The following PPP2R2C variants were observed in gnomAD, a reference collection of about 807,000 sequenced individuals.
PPP2R2C encodes protein phosphatase 2 regulatory subunit Bgamma.
A neutral mutation model predicts 45.3 loss-of-function variants in PPP2R2C; 10 were observed. That is an observed-to-expected ratio of 0.22 (90% CI 0.14 to 0.37). The LOEUF (loss-of-function observed/expected upper bound fraction) is 0.37. Among genes scored for constraint, PPP2R2C ranks in the 10% least tolerant of loss-of-function variants. The pLI is 1.00. For synonymous variants in PPP2R2C, 257 were observed against 245.4 expected (o/e 1.05, Z -0.44); for missense variants, 308 against 619.7 (o/e 0.50, Z 5.34).
intron 6 of PPP2R2C, among the ~76,000 whole-genome samples, chr4:6,344,381 C>T (rs1012416598): frequency 3.3e-5 from 5 of 152,198 alleles, no homozygotes; most frequent in South Asian, 2.1e-4. Context: ...TATGAAATTA[C>T]GTGGCTGAAA....
At chr4:6,409,405 A>T (rs1170426700) in intron 1 of PPP2R2C, among the ~76,000 whole-genome samples, 1 of 152,164 alleles carries the variant, frequency 6.6e-6, no homozygotes, top group Non-Finnish European at 1.5e-5. Flanking sequence ...AGCTTCCTGG[A>T]AGACGGGCCA....
At chr4:6,395,107 C>T (rs1716933979) in intron 1 of PPP2R2C, among the ~76,000 whole-genome samples, 1 of 152,278 alleles carries the variant, frequency 6.6e-6, no homozygotes, top group East Asian at 1.9e-4. Flanking sequence ...ATCCACCCAG[C>T]AGCCAGAAGG....
chr4:6,392,678 C>G (rs1054440541), intron 1 of PPP2R2C, among the ~76,000 whole-genome samples: 2 of 152,168 alleles, frequency 1.3e-5, no homozygotes, highest in Non-Finnish European at 2.9e-5. Context: ...TGGGCTGGGC[C>G]GGGGTCCTGC....
chr4:6,483,113 G>A (rs7440689), intron 2 of PPP2R2C, among the ~76,000 whole-genome samples: 1 of 140,764 alleles, frequency 7.1e-6, no homozygotes, highest in Non-Finnish European at 1.6e-5. Context: ...ATAGATAAAT[G>A]GATAGATAGA....
intron 5 of PPP2R2C, chr4:6,351,309 T>C: frequency 1.1e-6 from 1 of 887,026 alleles, no homozygotes; most frequent in Non-Finnish European, 1.4e-6. Flanking sequence ...CAAGACTCCA[T>C]CTCAAAAATA....
At chr4:6,414,748 G>C (rs1718455667) in intron 1 of PPP2R2C, among the ~76,000 whole-genome samples, 1 of 152,088 alleles carries the variant, frequency 6.6e-6, no homozygotes, top group Admixed American at 6.5e-5. Context: ...CAGGGGGTGG[G>C]AGAGCCCAAT....
chr4:6,472,390 G>T lies in PPP2R2C; in HGVS notation c.-161C>A. On this transcript the variant is annotated 5_prime_UTR_variant, in exon 1 of 9. Transcript: ENST00000382599. The stretch of plus-strand genomic sequence containing the variant: ...CATCGCGGCAGGGGGACGGGCGGGG[G>T]CGGCCGGGGGCGGGCGCCGCGGTCA... The T allele has an allele frequency of 3.2e-6, 3 of 946,556 alleles. No individual in the cohort carries two copies. The South Asian group carries it at 1.4e-4, about 45-fold the overall frequency. 58.6% of individuals were successfully genotyped at this position (946,556 alleles called of 1,614,324 possible). A position where few individuals can be genotyped will look rare whatever the true frequency, so the allele number is the denominator to read the frequency against.
intron 5 of PPP2R2C, among the ~76,000 whole-genome samples, chr4:6,369,817 C>T (rs1374337043): frequency 6.6e-6 from 1 of 152,172 alleles, no homozygotes; most frequent in East Asian, 1.9e-4. Flanking sequence ...ACTGCCATGG[C>T]GGGGCTGTGT....
At chr4:6,556,577 C>A (rs1343494791) in intron 1 of PPP2R2C, among the ~76,000 whole-genome samples, 1 of 152,178 alleles carries the variant, frequency 6.6e-6, no homozygotes, top group African/African-American at 2.4e-5. Context: ...TACTACAGGG[C>A]ACAAATACCT....
intron 1 of PPP2R2C, chr4:6,384,167 T>C: frequency 1.0e-6 from 1 of 985,354 alleles, no homozygotes; most frequent in Non-Finnish European, 1.2e-6. Flanking sequence ...CCCAGACACA[T>C]CTGGGCAGAA....
At position 6,368,719 on chromosome 4, in the gene PPP2R2C, G is replaced by C. The variant is rs899404164; in HGVS notation, c.625+3804C>G. The stretch of plus-strand genomic sequence containing the variant: ...ATCCTTACAATCTCATTCCTCCACC[G>C]CCTCCCACCCGTGGCCACGCTCTGG... On this transcript the variant is annotated intron_variant, in intron 5 of 8. Coordinates refer to ENST00000382599, the MANE Select transcript of PPP2R2C (RefSeq NM_020416.4). This position sits in a 1 kb window ranked among gnomAD's most constrained non-coding sequence, Gnocchi z 4.2. 6.6e-6 allele frequency among the ~76,000 whole-genome samples: 1 copy of C among 151,734 alleles called. No homozygotes were observed. The highest frequency in any genetic ancestry group is 2.4e-5 in the African/African-American group (1 of 41,240).
At chr4:6,474,275 G>A (rs967032593), upstream of PPP2R2C, among the ~76,000 whole-genome samples, 1 of 151,258 alleles carries the variant, frequency 6.6e-6, no homozygotes, top group Non-Finnish European at 1.5e-5. Flanking sequence ...CCAGCAAAAT[G>A]GCTATGCTGG....
intron 1 of PPP2R2C, among the ~76,000 whole-genome samples, chr4:6,411,554 C>CT (rs34210845): frequency 0.014 from 1,918 of 136,236 alleles, 25 homozygotes; most frequent in East Asian, 0.077. Context: ...CTTTTCATTT[C>CT]TTTTTTTTTT....
intron 2 of PPP2R2C, among the ~76,000 whole-genome samples, chr4:6,519,622 C>T (rs1355358232): frequency 6.6e-6 from 1 of 152,200 alleles, no homozygotes; most frequent in Non-Finnish European, 1.5e-5. Context: ...TACATTCAGC[C>T]CCATTCTGTC....
At chr4:6,349,295 GCT>G (rs753856708) in intron 5 of PPP2R2C, 12 of 985,242 alleles carry the variant, frequency 1.2e-5, no homozygotes, top group Non-Finnish European at 1.4e-5. Flanking sequence ...TTGAATCCCA[GCT>G]CTGTCACCTC....
At chr4:6,491,659 G>A (rs558000364) in intron 2 of PPP2R2C, among the ~76,000 whole-genome samples, 1 of 152,364 alleles carries the variant, frequency 6.6e-6, no homozygotes, top group African/African-American at 2.4e-5. Context: ...CTGGTGGGAA[G>A]TGATTGGATC....
chr4:6,541,004 G>A (rs544962410), intron 1 of PPP2R2C, among the ~76,000 whole-genome samples: 2 of 152,300 alleles, frequency 1.3e-5, no homozygotes, highest in African/African-American at 2.4e-5. Flanking sequence ...GTGTCCTCAA[G>A]TCACTTCATG....
intron 1 of PPP2R2C, among the ~76,000 whole-genome samples, chr4:6,545,864 G>T (rs75949500): frequency 6.6e-6 from 1 of 152,094 alleles, no homozygotes; most frequent in Non-Finnish European, 1.5e-5. Flanking sequence ...TCAGTATTTC[G>T]CTGACCAACA....
rs962519770 is a variant in PPP2R2C at position 6,350,358 on chromosome 4, G to A, written c.626-2348C>T. 14 of 985,418 alleles carry A rather than the reference G, an allele frequency of 1.4e-5. No individual in the cohort carries two copies. The South Asian group carries it at 1.9e-4, about 13-fold the overall frequency. 61.0% of individuals were successfully genotyped at this position (985,418 alleles called of 1,614,324 possible). ...AAAGTGGGATCCAGAGAAAAAGTGC[G>A]GCCACTGATGAAATGTCACGCACAT... is the stretch of plus-strand genomic sequence containing the variant. On this transcript the variant is annotated intron_variant, in intron 5 of 8. Transcript: ENST00000382599.
Sources: allele counts gnomAD v4.1 joint callset (sites outside exome capture counted in the v4.1 genomes callset), GRCh38; gene constraint gnomAD v4.1.1; non-coding constraint Gnocchi (gnomAD v3.1); transcripts MANE v1.5; gene names NCBI Gene and HGNC (gene_info 2026-07-23, HGNC 2026-07-21).